The following SLC60A1 variants were observed in gnomAD, a reference collection of about 807,000 sequenced individuals.
The protein encoded by SLC60A1 is major facilitator superfamily domain containing 4.
At chr1:205,569,044 G>C in the SLC60A1 span, 1 of 1,400,144 alleles carries the variant, frequency 7.1e-7, no homozygotes. Context: ...GCCGGGACCA[G>C]ATCCGCGAGC....
At chr1:205,582,898 A>AGGGAAGGGCTCCCCCAGAACACCACC in the SLC60A1 span, among the ~76,000 whole-genome samples, 1 of 152,326 alleles carries the variant, frequency 6.6e-6, no homozygotes, top group South Asian at 2.1e-4. Context: ...CTCCAGGGGC[A>AGGGAAGGGCTCCCCCAGAACACCACC]GGGAAGGGCT....
At chr1:205,584,234 T>G in the SLC60A1 span, 1 of 1,290,990 alleles carries the variant, frequency 7.7e-7, no homozygotes, top group South Asian at 1.6e-5. Flanking sequence ...TTTTTTTTTT[T>G]TTTTGAGACA....
the SLC60A1 span, among the ~76,000 whole-genome samples, chr1:205,583,727 C>T: frequency 6.6e-6 from 1 of 152,212 alleles, no homozygotes; most frequent in African/African-American, 2.4e-5. Flanking sequence ...TCTGTCTTTT[C>T]AGGGACGCGA....
the SLC60A1 span, among the ~76,000 whole-genome samples, chr1:205,591,179 C>G: frequency 1.3e-5 from 2 of 152,098 alleles, no homozygotes; most frequent in Non-Finnish European, 2.9e-5. Context: ...TGACAGAGAC[C>G]TTTACTGAAC....
At chr1:205,592,998 G>A in the SLC60A1 span, among the ~76,000 whole-genome samples, 2 of 152,166 alleles carry the variant, frequency 1.3e-5, no homozygotes, top group Non-Finnish European at 2.9e-5. Flanking sequence ...TCTGGTTTCA[G>A]GAGTCACACA....
At chr1:205,590,154 A>C in the SLC60A1 span, among the ~76,000 whole-genome samples, 1 of 152,206 alleles carries the variant, frequency 6.6e-6, no homozygotes, top group Non-Finnish European at 1.5e-5. Flanking sequence ...AGTCCTGGAC[A>C]CAGCTCATGG....
At chr1:205,593,417 G>GCTGAAATCCCGC in the SLC60A1 span, among the ~76,000 whole-genome samples, 1 of 34,436 alleles carries the variant, frequency 2.9e-5, no homozygotes, top group South Asian at 7.1e-4. Flanking sequence ...CTTGCAGTGA[G>GCTGAAATCCCGC]CACTCCAGCC....
chr1:205,593,486 C>G, the SLC60A1 span, among the ~76,000 whole-genome samples: 2 of 147,152 alleles, frequency 1.4e-5, no homozygotes, highest in Non-Finnish European at 3.0e-5. Flanking sequence ...TGAGCGATTT[C>G]TTTAGAGAGG....
the SLC60A1 span, among the ~76,000 whole-genome samples, chr1:205,578,313 G>A: frequency 0.019 from 2,943 of 152,236 alleles, 98 homozygotes; most frequent in African/African-American, 0.068. Context: ...GGGAAAGGGA[G>A]GGGAAAGAGA....
the SLC60A1 span, among the ~76,000 whole-genome samples, chr1:205,573,181 C>T: frequency 6.6e-5 from 10 of 152,132 alleles, no homozygotes; most frequent in African/African-American, 2.2e-4. Context: ...GAGGCTGAGG[C>T]GGGTAGATCA....
the SLC60A1 span, chr1:205,600,850 A>G: frequency 6.1e-6 from 1 of 164,942 alleles, no homozygotes; most frequent in Admixed American, 6.4e-5. Context: ...GATCATTGCT[A>G]TATGTAGATA....
the SLC60A1 span, among the ~76,000 whole-genome samples, chr1:205,577,963 C>T: frequency 1.3e-5 from 2 of 152,240 alleles, no homozygotes; most frequent in Admixed American, 6.5e-5. The surrounding 1 kb of genome is among the most constrained non-coding windows in gnomAD (Gnocchi z 5.2). Flanking sequence ...CCGTAGTACT[C>T]GCTATCATCC....
At chr1:205,593,027 A>C in the SLC60A1 span, among the ~76,000 whole-genome samples, 1 of 152,118 alleles carries the variant, frequency 6.6e-6, no homozygotes, top group Admixed American at 6.5e-5. Context: ...GATGTCAGAA[A>C]TCTCTAATTC....
At chr1:205,593,477 G>A in the SLC60A1 span, among the ~76,000 whole-genome samples, 5 of 147,618 alleles carry the variant, frequency 3.4e-5, no homozygotes, top group Non-Finnish European at 6.0e-5. Flanking sequence ...AAAAAAAGAT[G>A]AGCGATTTCT....
the SLC60A1 span, chr1:205,600,349 C>A: frequency 6.6e-7 from 1 of 1,521,468 alleles, no homozygotes; most frequent in Non-Finnish European, 9.1e-7. Flanking sequence ...AATGAATCAT[C>A]ACTGCAACTC....
chr1:205,601,505 C>T, the SLC60A1 span: 6 of 152,294 alleles, frequency 3.9e-5, no homozygotes, highest in Admixed American at 3.9e-4. Context: ...TTTCTACTGA[C>T]ATTGACTAGC....
the SLC60A1 span, among the ~76,000 whole-genome samples, chr1:205,573,368 G>A: frequency 4.6e-5 from 7 of 152,126 alleles, no homozygotes; most frequent in African/African-American, 1.7e-4. Flanking sequence ...GCAGTTAGCC[G>A]AGATTGTGCC....
At chr1:205,578,858 C>A in the SLC60A1 span, among the ~76,000 whole-genome samples, 2 of 152,156 alleles carry the variant, frequency 1.3e-5, no homozygotes, top group African/African-American at 4.8e-5. Flanking sequence ...GCCTGCTGCC[C>A]AATCTCTCCT....
At chr1:205,571,995 G>C in the SLC60A1 span, among the ~76,000 whole-genome samples, 3 of 152,150 alleles carry the variant, frequency 2.0e-5, no homozygotes, top group East Asian at 5.8e-4. Flanking sequence ...GCCTACTGCT[G>C]GGCCCAGACT....
Sources: allele counts gnomAD v4.1 joint callset (sites outside exome capture counted in the v4.1 genomes callset), GRCh38; gene constraint gnomAD v4.1.1; non-coding constraint Gnocchi (gnomAD v3.1); transcripts MANE v1.5; gene names NCBI Gene and HGNC (gene_info 2026-07-23, HGNC 2026-07-21).